Variants in NRG1 observed in about 807,000 individuals in gnomAD.
The protein encoded by NRG1 is pro-neuregulin-1, membrane-bound isoform.
Under a neutral mutation model 63.8 loss-of-function variants are expected in NRG1, and 18 were observed. That is an observed-to-expected ratio of 0.28 (90% confidence interval 0.19 to 0.42). The LOEUF is 0.42. Among genes scored for constraint, NRG1 ranks in the 10% least tolerant of loss-of-function variants. The probability of loss-of-function intolerance (pLI) is 1.00; values close to 1 mark genes in which losing one functional copy is unlikely to be tolerated. For synonymous variants in NRG1, 302 were observed against 301.3 expected (o/e 1.00, Z -0.02); for missense variants, 762 against 814.7 (o/e 0.94, Z 0.79).
chr8:31,988,626 A>G (rs2129632099), intron 1 of NRG1, among the ~76,000 whole-genome samples: 1 of 152,250 alleles, frequency 6.6e-6, no homozygotes, highest in Middle Eastern at 3.4e-3. Context: ...TACAGAAGTC[A>G]CAATGATGAG....
At chr8:31,712,367 C>T (rs1380529262) in intron 1 of NRG1, among the ~76,000 whole-genome samples, 1 of 149,296 alleles carries the variant, frequency 6.7e-6, no homozygotes, top group Admixed American at 6.7e-5. Context: ...CTCCCAGGTT[C>T]AAGCGATTCT....
chr8:32,273,477 A>G (rs746154895), intron 1 of NRG1, among the ~76,000 whole-genome samples: 29 of 152,148 alleles, frequency 1.9e-4, no homozygotes, highest in Non-Finnish European at 3.5e-4. Context: ...AATTTTTTTG[A>G]ACTGAAAGGC....
intron 1 of NRG1, among the ~76,000 whole-genome samples, chr8:31,926,796 C>T (rs920179798): frequency 6.6e-6 from 1 of 152,014 alleles, no homozygotes; most frequent in Non-Finnish European, 1.5e-5. Flanking sequence ...AAGAAGAAGA[C>T]TCTCATCTTT....
chr8:32,576,827 A>T (rs1426860527), intron 1 of NRG1, among the ~76,000 whole-genome samples: 1 of 151,888 alleles, frequency 6.6e-6, no homozygotes, highest in African/African-American at 2.4e-5. Context: ...AATAATTTCA[A>T]CTTATATTTT....
intron 1 of NRG1, among the ~76,000 whole-genome samples, chr8:32,463,916 G>T (rs1798675574): frequency 8.4e-5 from 2 of 23,940 alleles, no homozygotes; most frequent in East Asian, 3.2e-3. Context: ...TTTTTTTTGG[G>T]GGAGGGTCTC....
chr8:32,605,433 T>C, intron 2 of NRG1, 129 bp from the exon 3 acceptor site: 1 of 996,562 alleles, frequency 1.0e-6, no homozygotes, highest in Non-Finnish European at 1.5e-6. Flanking sequence ...GTAACGGAAG[T>C]TGTATTTTAA....
chr8:32,481,601 C>T (rs1384740112), intron 1 of NRG1, among the ~76,000 whole-genome samples: 5 of 152,216 alleles, frequency 3.3e-5, no homozygotes, highest in Admixed American at 2.6e-4. Flanking sequence ...GAGTTCAAAT[C>T]CCAGCTTTAC....
At chr8:32,150,063 C>T (rs1007621238) in intron 1 of NRG1, among the ~76,000 whole-genome samples, 1 of 152,086 alleles carries the variant, frequency 6.6e-6, no homozygotes, top group Non-Finnish European at 1.5e-5. Context: ...TATCCATTTG[C>T]TTATAAGAAG....
intron 5 of NRG1, among the ~76,000 whole-genome samples, chr8:32,700,186 A>T (rs1814473309): frequency 6.6e-6 from 1 of 152,176 alleles, no homozygotes. Context: ...GCTAGCAAAA[A>T]AATAATGAAT....
In NRG1 at chr8:32,587,891, CTGTTTGTACA is replaced by C. The variant is rs1841890147; in HGVS notation, c.101-7933_101-7924del. Among the ~76,000 whole-genome samples, 4 of 151,556 alleles carry C rather than the reference CTGTTTGTACA, an allele frequency of 2.6e-5. No individual in the cohort carries two copies. The Admixed American group carries it at 2.6e-4, about 10-fold the overall frequency. On this transcript the variant is annotated intron_variant, in intron 1 of 11. Coordinates refer to ENST00000356819, the Ensembl canonical transcript of NRG1. ...AGGGATAAATTCCTTGAATGGCCCT[CTGTTTGTACA>C]TGTGGGTTTTTTTGTTTTGTTTTGT...
intron 1 of NRG1, among the ~76,000 whole-genome samples, chr8:31,849,006 G>A (rs1475566898): frequency 1.3e-5 from 2 of 152,124 alleles, no homozygotes; most frequent in Admixed American, 1.3e-4. Flanking sequence ...CAAAAAGTTG[G>A]GGATTGCAGC....
At chr8:31,761,150 T>C (rs1817507512) in intron 1 of NRG1, among the ~76,000 whole-genome samples, 1 of 152,112 alleles carries the variant, frequency 6.6e-6, no homozygotes, top group Admixed American at 6.6e-5. Context: ...ATGTCCTTTG[T>C]AGGGACATGG....
At chr8:32,047,185 G>A (rs938121300) in intron 1 of NRG1, among the ~76,000 whole-genome samples, 3 of 152,066 alleles carry the variant, frequency 2.0e-5, no homozygotes, top group Admixed American at 6.6e-5. Flanking sequence ...ATCTGGAGCT[G>A]GTTAACTGAC....
At chr8:31,857,039 G>A (rs1827962054) in intron 1 of NRG1, among the ~76,000 whole-genome samples, 2 of 152,220 alleles carry the variant, frequency 1.3e-5, no homozygotes, top group Admixed American at 1.3e-4. Context: ...GGACATTTAA[G>A]TCTGCAGAGG....
At chr8:32,185,786 T>A (rs1359627255) in intron 1 of NRG1, among the ~76,000 whole-genome samples, 1 of 152,154 alleles carries the variant, frequency 6.6e-6, no homozygotes, top group African/African-American at 2.4e-5. Context: ...AGTTAATAAT[T>A]CCATGACTAA....
intron 1 of NRG1, among the ~76,000 whole-genome samples, chr8:32,366,685 A>G (rs200489131): frequency 0.013 from 239 of 18,202 alleles, 2 homozygotes; most frequent in Middle Eastern, 0.042. Context: ...GTGTATATAT[A>G]TATATATATA....
At chr8:31,818,823 C>A (rs1823707648) in intron 1 of NRG1, among the ~76,000 whole-genome samples, 2 of 151,936 alleles carry the variant, frequency 1.3e-5, no homozygotes, top group African/African-American at 2.4e-5. Context: ...TTTGGGAGGT[C>A]GAGGGGGGCA....
intron 1 of NRG1, among the ~76,000 whole-genome samples, chr8:32,047,084 G>A (rs775305765): frequency 2.4e-4 from 36 of 152,026 alleles, no homozygotes; most frequent in Admixed American, 2.2e-3. Context: ...TGTTCTCAGT[G>A]TCTCACTCAC....
rs376454119 is a variant in NRG1 at position 32,382,618 on chromosome 8, C to T, written c.38-213210C>T. On this transcript the variant is annotated intron_variant, in intron 1 of 10. Transcript: ENST00000519301. ...TAACCTATTTACTTATAATAATTTT[C>T]GTATTTGCCACCTAAGTTTTATACA... Among the ~76,000 whole-genome samples the T allele has an allele frequency of 2.6e-4, 39 of 152,236 alleles. No homozygotes were observed. In the East Asian group the frequency reaches 5.8e-3, roughly 23 times the overall value.
Sources: allele counts gnomAD v4.1 joint callset (sites outside exome capture counted in the v4.1 genomes callset), GRCh38; gene constraint gnomAD v4.1.1; transcripts MANE v1.5; gene names NCBI Gene and HGNC (gene_info 2026-07-23, HGNC 2026-07-21).